Variants in SLAIN2 observed in about 807,000 individuals in gnomAD.
The protein encoded by SLAIN2 is SLAIN family member 2.
Under a neutral mutation model 56.6 loss-of-function variants are expected in SLAIN2, and 31 were observed. That is an observed-to-expected ratio of 0.55 (90% confidence interval 0.41 to 0.74). SLAIN2 has a LOEUF of 0.74. SLAIN2 is among the 30% of genes least tolerant of loss of function. SLAIN2 has a pLI of 0.00. For missense variants in SLAIN2, 777 were observed against 754.2 expected (o/e 1.03, Z -0.35); for synonymous variants, 317 against 284.9 (o/e 1.11, Z -1.13).
chr4:48,347,384 C>T (rs1164694451), intron 1 of SLAIN2, among the ~76,000 whole-genome samples: 2 of 150,620 alleles, frequency 1.3e-5, no homozygotes, highest in Non-Finnish European at 3.0e-5. Context: ...TAGCCAGGAC[C>T]ACAGGCGCGT....
chr4:48,387,696 A>C (rs982704079), intron 6 of SLAIN2, among the ~76,000 whole-genome samples: 3 of 152,122 alleles, frequency 2.0e-5, no homozygotes, highest in African/African-American at 7.2e-5. Flanking sequence ...TTTAAAACTT[A>C]GTAAAGTTTA....
intron 2 of SLAIN2, among the ~76,000 whole-genome samples, chr4:48,371,982 ACACACACG>A (rs1267463663): frequency 3.4e-5 from 5 of 145,192 alleles, no homozygotes; most frequent in Non-Finnish European, 4.7e-5. Flanking sequence ...ACACACACAC[ACACACACG>A]CGCGCACACA....
chr4:48,390,928 C>A (rs1269452448), intron 6 of SLAIN2, among the ~76,000 whole-genome samples: 1 of 152,146 alleles, frequency 6.6e-6, no homozygotes, highest in Non-Finnish European at 1.5e-5. Context: ...CAGAGAAAAT[C>A]TTCAGCATAA....
chr4:48,364,879 G>A lies in SLAIN2; in HGVS notation c.390-4970G>A, dbSNP rs1195704672. Among the ~76,000 whole-genome samples the A allele has an allele frequency of 3.8e-5, 5 of 130,862 alleles. No homozygotes were observed. In the East Asian group the frequency reaches 6.8e-4, roughly 18 times the overall value. 85.9% of individuals were successfully genotyped at this position (130,862 alleles called of 152,430 possible). A position where few individuals can be genotyped will look rare whatever the true frequency, so the allele number is the denominator to read the frequency against. ...GGGGAGACGGAGACGGGAGAGGGAG[G>A]GGGAGGGGGAGGGGGAGGGAGAGGG... is the stretch of plus-strand genomic sequence containing the variant. On this transcript the variant is annotated intron_variant, in intron 1 of 7. Transcript: ENST00000264313.
At chr4:48,409,287 A>AT (rs367955272) in intron 6 of SLAIN2, among the ~76,000 whole-genome samples, 2,362 of 150,806 alleles carry the variant, frequency 0.016, 45 homozygotes, top group African/African-American at 0.053. Flanking sequence ...GTCTTTCTCT[A>AT]TTTTTTTTTG....
chr4:48,421,927 G>A, intron 7 of SLAIN2, 84 bp from the exon 8 acceptor site: 1 of 1,127,866 alleles, frequency 8.9e-7, no homozygotes, highest in Non-Finnish European at 1.3e-6. Context: ...CACCTGAAGA[G>A]TAATTAATAT....
chr4:48,378,071 A>G lies in SLAIN2; in HGVS notation c.703+11A>G. 1 of 1,611,112 alleles carries G rather than the reference A, an allele frequency of 6.2e-7. No individual in the cohort carries two copies. The highest frequency in any genetic ancestry group is 8.5e-7 in the Non-Finnish European group (1 of 1,178,864). Reference sequence around the variant, plus strand: ...TTCCTGGAAATTCAGGTAAGGAGAAAATGATATGGAGCTATTAAGGAATGT... The same window carrying G: ...TTCCTGGAAATTCAGGTAAGGAGAAGATGATATGGAGCTATTAAGGAATGT... On this transcript the variant is annotated intron_variant, in intron 3 of 7. Coordinates refer to ENST00000264313, the MANE Select transcript of SLAIN2 (RefSeq NM_020846.2).
intron 4 of SLAIN2, among the ~76,000 whole-genome samples, chr4:48,380,606 G>A (rs1715945226): frequency 6.6e-6 from 1 of 152,140 alleles, no homozygotes; most frequent in Non-Finnish European, 1.5e-5. Context: ...AGGGTTCATG[G>A]CTACTTGCCC....
At chr4:48,377,336 ATTTT>A (rs34493417) in intron 2 of SLAIN2, among the ~76,000 whole-genome samples, 1 of 117,500 alleles carries the variant, frequency 8.5e-6, no homozygotes, top group Middle Eastern at 4.0e-3. Flanking sequence ...TGCCTGGCTA[ATTTT>A]TTTTTTTTTT....
At chr4:48,421,117 G>C (rs1190916807) in intron 7 of SLAIN2, among the ~76,000 whole-genome samples, 1 of 152,104 alleles carries the variant, frequency 6.6e-6, no homozygotes, top group Non-Finnish European at 1.5e-5. Flanking sequence ...CCAGGCTCAA[G>C]CAATCCTGTC....
intron 6 of SLAIN2, chr4:48,394,654 G>T: frequency 1.3e-6 from 2 of 1,535,624 alleles, no homozygotes; most frequent in Non-Finnish European, 1.7e-6. Context: ...ACAAAAAGAG[G>T]TAACTACAGC....
chr4:48,379,942 TGTA>T, intron 4 of SLAIN2, 94 bp downstream of exon 4: 1 of 1,140,912 alleles, frequency 8.8e-7, no homozygotes. Flanking sequence ...GGGGTAGTAA[TGTA>T]GTGAAAGTAG....
intron 6 of SLAIN2, among the ~76,000 whole-genome samples, chr4:48,392,060 T>G (rs1478527587): frequency 6.6e-6 from 1 of 152,048 alleles, no homozygotes; most frequent in Non-Finnish European, 1.5e-5. Context: ...ATTAGAAAGA[T>G]TCAGAGTTTC....
chr4:48,415,432 T>G lies in SLAIN2; in HGVS notation c.1361-4693T>G, dbSNP rs1170193199. 5.2e-5 allele frequency among the ~76,000 whole-genome samples: 3 copies of G among 57,416 alleles called. 1 individual carries two copies. Among genetic ancestry groups the G allele is most frequent in the Non-Finnish European group, 7.9e-5 (2 of 25,458 alleles). 37.7% of individuals were successfully genotyped at this position (57,416 alleles called of 152,430 possible). On this transcript the variant is annotated intron_variant, in intron 6 of 7. Transcript: ENST00000264313. The stretch of plus-strand genomic sequence containing the variant: ...TTTGTTTTTTTCTTGTAAATTTGTT[T>G]GAGTTCATTGTAGATTCTGGATATT...
At chr4:48,386,155 T>C (rs1716094664) in intron 6 of SLAIN2, among the ~76,000 whole-genome samples, 1 of 151,736 alleles carries the variant, frequency 6.6e-6, no homozygotes, top group African/African-American at 2.4e-5. Context: ...CTGTGATATA[T>C]TGACAAATTT....
At chr4:48,414,708 CT>C (rs1716954616) in intron 6 of SLAIN2, among the ~76,000 whole-genome samples, 1 of 110,290 alleles carries the variant, frequency 9.1e-6, no homozygotes, top group African/African-American at 3.6e-5. Flanking sequence ...TCCCTCCCCC[CT>C]CCCCCGACCC....
intron 1 of SLAIN2, 129 bp downstream of exon 1, chr4:48,342,257 G>T: frequency 8.4e-7 from 1 of 1,196,484 alleles, no homozygotes; most frequent in South Asian, 2.4e-5. Flanking sequence ...GCGACTTGTG[G>T]TTTTCTTGCT....
chr4:48,421,299 G>T (rs1717151630), intron 7 of SLAIN2, among the ~76,000 whole-genome samples: 2 of 151,998 alleles, frequency 1.3e-5, no homozygotes, highest in Non-Finnish European at 2.9e-5. Context: ...TGGTTTTTTT[G>T]TTTGTTTGTT....
chr4:48,396,655 G>A (rs905803742), intron 6 of SLAIN2, among the ~76,000 whole-genome samples: 1 of 152,090 alleles, frequency 6.6e-6, no homozygotes, highest in Non-Finnish European at 1.5e-5. Flanking sequence ...CATATTAAAC[G>A]TGTCCAGTAA....
Sources: gnomAD v4.1 joint callset for allele counts (sites outside exome capture counted in the v4.1 genomes callset) on GRCh38, gnomAD v4.1.1 for gene constraint, MANE v1.5 for transcripts, NCBI Gene and HGNC (gene_info 2026-07-23, HGNC 2026-07-21) for gene names.